ARSJ: variants seen among roughly 807,000 people sequenced by gnomAD.
ARSJ encodes arylsulfatase J.
ARSJ carries 26 observed loss-of-function variants against 35.9 expected under a neutral mutation model. That is an observed-to-expected ratio of 0.72 (90% CI 0.53 to 1.00). The LOEUF (loss-of-function observed/expected upper bound fraction) is 1.00. ARSJ is among the 50% of genes least tolerant of loss of function. The pLI is 0.00. For missense variants in ARSJ, 667 were observed against 723.6 expected, an observed-to-expected ratio of 0.92 and a Z score of 0.90; for synonymous variants, 294 against 267.6, an observed-to-expected ratio of 1.10 and a Z score of -0.96.
chr4:113,966,396 T>C (rs1312489686), intron 1 of ARSJ, among the ~76,000 whole-genome samples: 1 of 152,112 alleles, frequency 6.6e-6, no homozygotes, highest in Non-Finnish European at 1.5e-5. Context: ...AACTAAGTCC[T>C]TGAGGAGGAA....
intron 1 of ARSJ, among the ~76,000 whole-genome samples, chr4:113,940,564 GT>G (rs1725087410): frequency 1.3e-5 from 2 of 151,778 alleles, no homozygotes; most frequent in South Asian, 4.1e-4. Context: ...TTAGGTGATG[GT>G]TTGACAGGTG....
chr4:113,962,495 T>TA (rs1168722521), intron 1 of ARSJ, among the ~76,000 whole-genome samples: 1 of 151,736 alleles, frequency 6.6e-6, no homozygotes, highest in Non-Finnish European at 1.5e-5. Flanking sequence ...TTTTTTTTTT[T>TA]TTTTCTAATA....
rs34229087 is a variant in ARSJ at position 113,949,472 on chromosome 4, T to TA, written c.398+28964dup. ...TATGCTTGACTTTCATCAAAGGCGG[T>TA]AAAAAAAGGCTCATGGACACAACTT... On this transcript the variant is annotated intron_variant, in intron 1 of 1. Coordinates refer to ENST00000315366, the MANE Select transcript of ARSJ (RefSeq NM_024590.4). 6.8e-4 allele frequency among the ~76,000 whole-genome samples: 104 copies of TA among 151,950 alleles called. 2 individuals are homozygous for TA. The East Asian group carries it at 0.013, about 19-fold the overall frequency.
Position 113,939,780 on chromosome 4 carries a change from G to T in ARSJ, c.399-36105C>A, listed in dbSNP as rs554905908. On this transcript the variant is annotated intron_variant, in intron 1 of 1. Transcript: ENST00000315366. The stretch of plus-strand genomic sequence containing the variant: ...GTTGTTTTTTTGTTTGTTTTGTTTT[G>T]TTTTTTGTAAATTTGAGTTCATTGT... Among the ~76,000 whole-genome samples the T allele has an allele frequency of 5.1e-4, 78 of 151,648 alleles. 1 individual carries two copies. The highest frequency in any genetic ancestry group is 1.6e-3 in the African/African-American group (65 of 41,396).
chr4:113,910,763 T>C (rs10428304), intron 1 of ARSJ, among the ~76,000 whole-genome samples: 2,230 of 152,234 alleles, frequency 0.015, 60 homozygotes, highest in South Asian at 0.061. Context: ...ACACTCCTTC[T>C]CCTACACTGT....
chr4:113,978,525 C>CA lies in ARSJ; in HGVS notation c.309dup (p.Asp104Ter). The stretch of plus-strand genomic sequence containing the variant: ...TTAACTCCTTCGGCAGCGAGCTTGT[C>CA]AAGAGTAGGTGTTTTAATCTCAGAT... On this transcript the variant is annotated frameshift_variant, in exon 1 of 2. Coordinates refer to ENST00000315366, the MANE Select transcript of ARSJ (RefSeq NM_024590.4). LOFTEE classifies it high-confidence loss of function. The CA allele has an allele frequency of 1.2e-6, 2 of 1,614,186 alleles. No individual in the cohort carries two copies.
chr4:113,939,895 T>C (rs1725033740), intron 1 of ARSJ, among the ~76,000 whole-genome samples: 1 of 152,154 alleles, frequency 6.6e-6, no homozygotes, highest in Non-Finnish European at 1.5e-5. Context: ...GATGGTAGTT[T>C]CTTTTGCTGT....
rs70961862 is a variant in ARSJ at position 113,921,117 on chromosome 4, A to ACACACACACT, written c.399-17443_399-17442insAGTGTGTGTG. ...CACACACACACACACACACACACAC[A>ACACACACACT]CTTTAAATAATCATAACTGTGAAAC... is the stretch of plus-strand genomic sequence containing the variant. On this transcript the variant is annotated intron_variant, in intron 1 of 1. Transcript: ENST00000315366. Among the ~76,000 whole-genome samples, 1,290 of 149,336 alleles carry ACACACACACT rather than the reference A, an allele frequency of 8.6e-3. 22 individuals are homozygous for ACACACACACT. Among genetic ancestry groups the ACACACACACT allele is most frequent in the African/African-American group, 0.029 (1,171 of 40,478 alleles).
chr4:113,940,168 T>C (rs1023370892), intron 1 of ARSJ, among the ~76,000 whole-genome samples: 6 of 152,144 alleles, frequency 3.9e-5, no homozygotes, highest in Admixed American at 3.9e-4. Context: ...TAAATCATTC[T>C]GTTATAAAGA....
intron 1 of ARSJ, chr4:113,944,042 G>A (rs528562860): frequency 1.1e-4 from 17 of 152,148 alleles, no homozygotes; most frequent in Non-Finnish European, 2.5e-4. Flanking sequence ...TATAGAGAAT[G>A]GAATTTTGGT....
intron 1 of ARSJ, among the ~76,000 whole-genome samples, chr4:113,941,277 A>C (rs1293561435): frequency 1.3e-5 from 2 of 152,088 alleles, no homozygotes; most frequent in East Asian, 3.9e-4. Flanking sequence ...TTGCAGTTAC[A>C]TACATGAACA....
intron 1 of ARSJ, among the ~76,000 whole-genome samples, chr4:113,912,523 G>A (rs942080810): frequency 5.3e-5 from 8 of 152,208 alleles, no homozygotes; most frequent in Admixed American, 1.3e-4. Context: ...AATATGGTGG[G>A]ACTATAAGTG....
intron 1 of ARSJ, among the ~76,000 whole-genome samples, chr4:113,973,660 A>C (rs1193675122): frequency 6.6e-6 from 1 of 152,174 alleles, no homozygotes; most frequent in East Asian, 1.9e-4. Context: ...GATATTTTGT[A>C]TCTCTCGCCC....
intron 1 of ARSJ, among the ~76,000 whole-genome samples, chr4:113,951,150 T>G (rs6533735): frequency 0.98 from 149,086 of 152,168 alleles, 73,108 homozygotes; most frequent in South Asian, 1. Flanking sequence ...GCTTCCAATA[T>G]GGGGAAGTTC....
intron 1 of ARSJ, among the ~76,000 whole-genome samples, chr4:113,926,553 G>A (rs1724078610): frequency 6.6e-6 from 1 of 152,128 alleles, no homozygotes; most frequent in Non-Finnish European, 1.5e-5. Flanking sequence ...TGCATGCTGG[G>A]GGAGGTAGGA....
Position 113,978,704 on chromosome 4 carries a change from A to G in ARSJ, c.131T>C (p.Leu44Pro). Residue 44 changes from leucine (L) to proline (P), a missense_variant, in exon 1 of 2, where the codon CTG becomes CCG. By Grantham distance (98) the Leu-to-Pro change is moderately conservative (BLOSUM62 -3). Coordinates refer to ENST00000315366, the MANE Select transcript of ARSJ (RefSeq NM_024590.4). ...CTCTTCTAAGGCCTGGCCCCAGGACAGGTAACCATAAGTGAGGAGGCAGAG... is the reference window on the plus strand; with the variant it reads ...CTCTTCTAAGGCCTGGCCCCAGGACGGGTAACCATAAGTGAGGAGGCAGAG... ...WILCLLTYGY[L>P]SWGQALEEEE... The G allele has an allele frequency of 1.2e-6, 2 of 1,614,244 alleles. No homozygotes were observed. The highest frequency in any genetic ancestry group is 1.7e-6 in the Non-Finnish European group (2 of 1,180,034).
At chr4:113,930,251 G>C (rs550718978) in intron 1 of ARSJ, among the ~76,000 whole-genome samples, 1 of 152,230 alleles carries the variant, frequency 6.6e-6, no homozygotes, top group Admixed American at 6.5e-5. Flanking sequence ...AGGAGAGCCA[G>C]TCAGAGTCCC....
intron 1 of ARSJ, among the ~76,000 whole-genome samples, chr4:113,925,741 G>A (rs1316949981): frequency 6.6e-6 from 1 of 152,194 alleles, no homozygotes; most frequent in Non-Finnish European, 1.5e-5. Context: ...CAGAAGCATT[G>A]TGTGCAGGAT....
intron 1 of ARSJ, among the ~76,000 whole-genome samples, chr4:113,942,160 G>C (rs918056926): frequency 1.3e-5 from 2 of 151,950 alleles, no homozygotes; most frequent in African/African-American, 2.4e-5. Flanking sequence ...GAGTGATAAA[G>C]GTTGGAAAAG....
Sources: allele counts gnomAD v4.1 joint callset (sites outside exome capture counted in the v4.1 genomes callset), GRCh38; gene constraint gnomAD v4.1.1; transcripts MANE v1.5; gene names NCBI Gene and HGNC (gene_info 2026-07-23, HGNC 2026-07-21).